The following ATXN2 variants were observed in gnomAD, a reference collection of about 807,000 sequenced individuals.
The protein encoded by ATXN2 is ataxin-2.
Under a neutral mutation model 138.6 loss-of-function variants are expected in ATXN2, and 37 were observed. The observed-to-expected ratio is 0.27, with a 90% confidence interval of 0.21 to 0.35. The LOEUF is 0.35. ATXN2 is among the 10% of genes least tolerant of loss of function. The probability of loss-of-function intolerance (pLI) is 1.00; values close to 1 mark genes in which losing one functional copy is unlikely to be tolerated. For missense variants in ATXN2, 1,216 were observed against 1,480.3 expected, an observed-to-expected ratio of 0.82 and a Z score of 2.93; for synonymous variants, 549 against 543.7, an observed-to-expected ratio of 1.01 and a Z score of -0.13.
intron 18 of ATXN2, among the ~76,000 whole-genome samples, chr12:111,479,535 A>C (rs1447806512): frequency 6.6e-6 from 1 of 152,058 alleles, no homozygotes; most frequent in Non-Finnish European, 1.5e-5. Context: ...ACTCCATCTC[A>C]AAAACAAACA....
intron 14 of ATXN2, among the ~76,000 whole-genome samples, chr12:111,506,469 T>C (rs1879118421): frequency 6.6e-6 from 1 of 152,214 alleles, no homozygotes; most frequent in African/African-American, 2.4e-5. Flanking sequence ...AACATGCTAA[T>C]TCACATGCTT....
intron 1 of ATXN2, among the ~76,000 whole-genome samples, chr12:111,592,063 G>A (rs1467384971): frequency 7.0e-6 from 1 of 142,006 alleles, no homozygotes; most frequent in Admixed American, 7.2e-5. Flanking sequence ...GCCTGGGAAA[G>A]AGCAAAACTG....
chr12:111,598,179 T>A lies in ATXN2; in HGVS notation c.251+605A>T. The A allele has an allele frequency of 9.4e-7, 1 of 1,063,904 alleles. No individual in the cohort carries two copies. The highest frequency in any genetic ancestry group is 1.1e-6 in the Non-Finnish European group (1 of 874,420). The allele number at this position is 1,063,904 out of a possible 1,614,324, so 65.9% of individuals were successfully genotyped here. On this transcript the variant is annotated intron_variant, in intron 1 of 24. Coordinates refer to ENST00000673436, the MANE Select transcript of ATXN2 (RefSeq NM_001372574.1). The surrounding 1 kb of genome is among the most constrained non-coding windows in gnomAD (Gnocchi z 4.5). ...GGGTGCGGGGGCCAAGGCCCACTTG[T>A]CTCCACCCCGTCCTCCGATCTTTCC... is the stretch of plus-strand genomic sequence containing the variant.
At chr12:111,535,352 C>T (rs768605505) in intron 5 of ATXN2, among the ~76,000 whole-genome samples, 4 of 152,138 alleles carry the variant, frequency 2.6e-5, no homozygotes, top group Admixed American at 2.0e-4. Flanking sequence ...CAGGGGGCCG[C>T]GGTGGCTCAC....
intron 18 of ATXN2, among the ~76,000 whole-genome samples, chr12:111,484,869 T>TAC (rs1877524355): frequency 6.6e-6 from 1 of 152,198 alleles, no homozygotes; most frequent in Admixed American, 6.5e-5. Flanking sequence ...CAGCTGGGGC[T>TAC]ACAGGCATAT....
At chr12:111,546,279 G>C (rs147349476) in intron 5 of ATXN2, among the ~76,000 whole-genome samples, 2 of 152,278 alleles carry the variant, frequency 1.3e-5, no homozygotes, top group East Asian at 1.9e-4. Flanking sequence ...GTCCTAAAAA[G>C]CCCTAAATGC....
Position 111,599,302 on chromosome 12 carries a change from G to A in ATXN2, c.-268C>T, listed in dbSNP as rs964640065. 5 of 1,185,482 alleles carry A rather than the reference G, an allele frequency of 4.2e-6. 1 individual carries two copies. The highest frequency in any genetic ancestry group is 8.2e-5 in the South Asian group (2 of 24,244). 73.4% of individuals were successfully genotyped at this position (1,185,482 alleles called of 1,614,324 possible). On this transcript the variant is annotated 5_prime_UTR_variant, in exon 1 of 25. Transcript: ENST00000673436. ...TGCTACCAAAACAGTCTGAGGCGGAGGGAGGCGAGCTCTGCCGGGAGGGAG... is the reference window on the plus strand; with the variant it reads ...TGCTACCAAAACAGTCTGAGGCGGAAGGAGGCGAGCTCTGCCGGGAGGGAG...
At position 111,525,164 on chromosome 12, in the gene ATXN2, T is replaced by C. The variant is rs755967486; in HGVS notation, c.696+28A>G. The C allele has an allele frequency of 4.4e-6, 7 of 1,597,578 alleles. No individual in the cohort carries two copies. The South Asian group carries it at 8.0e-5, about 18-fold the overall frequency. On this transcript the variant is annotated intron_variant, in intron 6 of 24. Transcript: ENST00000673436. The stretch of plus-strand genomic sequence containing the variant: ...ACAGGATGTCATACTGACCAGAGTC[T>C]AGCAATAATTACAAAGATGTTACTT...
At chr12:111,460,345 A>C (rs1875478329) in intron 21 of ATXN2, among the ~76,000 whole-genome samples, 1 of 152,228 alleles carries the variant, frequency 6.6e-6, no homozygotes, top group African/African-American at 2.4e-5. Context: ...AAGTGCTGGG[A>C]CTACAGGCGT....
chr12:111,478,763 T>C (rs1184323241), intron 18 of ATXN2, among the ~76,000 whole-genome samples: 1 of 150,938 alleles, frequency 6.6e-6, no homozygotes, highest in East Asian at 1.9e-4. Flanking sequence ...TCCCAACACT[T>C]TGGGAGGCTG....
intron 5 of ATXN2, among the ~76,000 whole-genome samples, chr12:111,542,048 G>A (rs1229814364): frequency 6.7e-6 from 1 of 149,116 alleles, no homozygotes; most frequent in Non-Finnish European, 1.5e-5. Flanking sequence ...GATTACAGGC[G>A]TGAGCCAACG....
In ATXN2 at chr12:111,452,831, T is replaced by A. The variant is rs1381307369; in HGVS notation, c.3449A>T (p.His1150Leu). The change falls in exon 25 of 25, where the codon CAC becomes CTC. Residue 1150 changes from histidine to leucine, a missense_variant. Physicochemically the swap from His to Leu is moderately conservative, Grantham distance 99. This residue lies in a region of ATXN2 where 490 missense variants were observed against 653.5 expected (regional missense o/e 0.75). Transcript: ENST00000673436. ...GCAGCCTTACAACTGCTGTTGGTGG[T>A]GGGCTTGTACTGTAAAAAGAAAAGC... ...PYMTHPSVQA[H>L]HQQQL 6.2e-7 allele frequency: 1 copy of A among 1,613,774 alleles called. No homozygotes were observed. Among genetic ancestry groups the A allele is most frequent in the Non-Finnish European group, 8.5e-7 (1 of 1,179,812 alleles).
intron 1 of ATXN2, among the ~76,000 whole-genome samples, chr12:111,578,395 G>A (rs530995749): frequency 1.3e-5 from 2 of 151,908 alleles, no homozygotes; most frequent in Non-Finnish European, 2.9e-5. Context: ...TATCTTTTAC[G>A]CTGTATTTTT....
At chr12:111,545,519 A>G (rs1881757720) in intron 5 of ATXN2, among the ~76,000 whole-genome samples, 1 of 151,590 alleles carries the variant, frequency 6.6e-6, no homozygotes, top group South Asian at 2.1e-4. Flanking sequence ...AGCTGAAATC[A>G]CGCCACTGCA....
At chr12:111,595,687 A>C (rs1244924054) in intron 1 of ATXN2, among the ~76,000 whole-genome samples, 1 of 152,116 alleles carries the variant, frequency 6.6e-6, no homozygotes, top group East Asian at 1.9e-4. Context: ...GTTCAGGGGA[A>C]AAAAGCTAAC....
Position 111,597,873 on chromosome 12 carries a change from C to T in ATXN2, c.251+911G>A, listed in dbSNP as rs1885016337. The T allele has an allele frequency of 6.2e-6, 8 of 1,288,636 alleles. No individual in the cohort carries two copies. The South Asian group carries it at 9.9e-5, about 16-fold the overall frequency. The allele number at this position is 1,288,636 out of a possible 1,614,324, so 79.8% of individuals were successfully genotyped here. ...CCGCCCCCTGCCACCAGCACCGCCA[C>T]CCCGGATCTCCAGGGTCCAGCCTGG... is the stretch of plus-strand genomic sequence containing the variant. On this transcript the variant is annotated intron_variant, in intron 1 of 24. Transcript: ENST00000673436.
intron 14 of ATXN2, among the ~76,000 whole-genome samples, chr12:111,508,022 C>T (rs548691976): frequency 2.6e-5 from 4 of 152,128 alleles, no homozygotes; most frequent in African/African-American, 9.6e-5. Flanking sequence ...ACAAACACTG[C>T]GGAAGGCCGC....
chr12:111,516,503 A>G lies in ATXN2; in HGVS notation c.1166-140T>C, dbSNP rs749327672. On this transcript the variant is annotated intron_variant, in intron 9 of 24. Coordinates refer to ENST00000673436, the MANE Select transcript of ATXN2 (RefSeq NM_001372574.1). The surrounding 1 kb of genome is among the most constrained non-coding windows in gnomAD (Gnocchi z 5.0). ...TTTGAGGACAGTCATTTGATTTGTGATAAGTTTTAGCATAACTTAACTGAC... is the reference window on the plus strand; with the variant it reads ...TTTGAGGACAGTCATTTGATTTGTGGTAAGTTTTAGCATAACTTAACTGAC... The G allele has an allele frequency of 1.1e-5, 9 of 840,970 alleles. No homozygotes were observed. The highest frequency in any genetic ancestry group is 3.1e-5 in the Admixed American group (1 of 32,692). The allele number at this position is 840,970 out of a possible 1,614,324, so 52.1% of individuals were successfully genotyped here.
At chr12:111,550,467 T>G (rs1216558497) in intron 5 of ATXN2, among the ~76,000 whole-genome samples, 1 of 152,184 alleles carries the variant, frequency 6.6e-6, no homozygotes, top group Non-Finnish European at 1.5e-5. Flanking sequence ...AACCTTTTTT[T>G]TTGTTGTGGC....
Sources: gnomAD v4.1 joint callset for allele counts (sites outside exome capture counted in the v4.1 genomes callset) on GRCh38, gnomAD v4.1.1 for gene constraint, gnomAD v4.1.1 regional missense constraint, Gnocchi (gnomAD v3.1) non-coding constraint, MANE v1.5 for transcripts, NCBI Gene and HGNC (gene_info 2026-07-23, HGNC 2026-07-21) for gene names.